PCDHA13: variants seen among roughly 807,000 people sequenced by gnomAD.
The protein encoded by PCDHA13 is protocadherin alpha-13.
PCDHA13 carries 54 observed loss-of-function variants against 64.8 expected under a neutral mutation model. The observed-to-expected ratio is 0.83, with a 90% confidence interval of 0.67 to 1.04. PCDHA13 has a LOEUF of 1.04. Ranked by LOEUF, PCDHA13 falls within the 50% of genes least tolerant of loss-of-function variation. The pLI, the probability that PCDHA13 is intolerant of heterozygous loss-of-function variation, is 0.00. For synonymous variants in PCDHA13, 587 were observed against 564.4 expected (o/e 1.04, Z -0.57); for missense variants, 1,248 against 1,254.3 (o/e 0.99, Z 0.08).
At chr5:140,982,127 C>G (rs1367393953) in intron 2 of PCDHA13, among the ~76,000 whole-genome samples, 1 of 152,244 alleles carries the variant, frequency 6.6e-6, no homozygotes, top group Non-Finnish European at 1.5e-5. Flanking sequence ...CTTTTGAGAA[C>G]AAGCCCTCCT....
chr5:140,993,850 G>A (rs1187946683), intron 3 of PCDHA13, among the ~76,000 whole-genome samples: 2 of 152,144 alleles, frequency 1.3e-5, no homozygotes, highest in African/African-American at 4.8e-5. Context: ...TATGTAGTAG[G>A]CTATGCCATC....
intron 3 of PCDHA13, among the ~76,000 whole-genome samples, chr5:140,989,362 G>A (rs1264795948): frequency 6.6e-6 from 1 of 152,176 alleles, no homozygotes; most frequent in African/African-American, 2.4e-5. Context: ...GGTCACCTGT[G>A]TGACTGAGAG....
At chr5:140,924,049 T>C (rs1554201723) in intron 1 of PCDHA13, among the ~76,000 whole-genome samples, 1 of 152,254 alleles carries the variant, frequency 6.6e-6, no homozygotes, top group East Asian at 1.9e-4. Flanking sequence ...AAAAGTTCGG[T>C]ACATCTTTAC....
At chr5:140,990,395 G>A (rs916362624) in intron 3 of PCDHA13, among the ~76,000 whole-genome samples, 1 of 152,116 alleles carries the variant, frequency 6.6e-6, no homozygotes, top group Non-Finnish European at 1.5e-5. Flanking sequence ...GTTCCAAGAA[G>A]GTTCACCAGC....
chr5:140,883,175 A>G lies in PCDHA13; in HGVS notation c.907A>G (p.Arg303Gly), dbSNP rs1554177014. ...FTINPNNGEI[R>G]TKGKLDFEEK... ...CATAAATCCGAACAATGGAGAAATTAGGACAAAAGGCAAACTAGATTTCGA... is the reference window on the plus strand; with the variant it reads ...CATAAATCCGAACAATGGAGAAATTGGGACAAAAGGCAAACTAGATTTCGA... The change falls in exon 1 of 4, where the codon AGG (arginine) becomes GGG (glycine). Residue 303 changes from arginine to glycine, a missense_variant. By Grantham distance (125) the Arg-to-Gly change is moderately radical. Coordinates refer to ENST00000289272, the MANE Select transcript of PCDHA13 (RefSeq NM_018904.3). 3 of 1,614,060 alleles carry G rather than the reference A, an allele frequency of 1.9e-6. No individual in the cohort carries two copies. Among genetic ancestry groups the G allele is most frequent in the East Asian group, 4.5e-5 (2 of 44,892 alleles).
At chr5:140,900,546 G>A (rs1430203463) in intron 1 of PCDHA13, among the ~76,000 whole-genome samples, 3 of 152,162 alleles carry the variant, frequency 2.0e-5, no homozygotes, top group East Asian at 1.9e-4. Context: ...CAAAGTGCTG[G>A]GATTACAGGC....
chr5:140,883,369 C>A lies in PCDHA13; in HGVS notation c.1101C>A (p.Ala367=), dbSNP rs781885590. ...LPIREDTQPS[A]IIALISVSDR... ...TCAGAGAAGACACTCAGCCTAGCGC[C>A]ATTATTGCCCTAATCAGTGTGTCCG... is the stretch of plus-strand genomic sequence containing the variant. Residue 367 remains alanine (A), a synonymous_variant, in exon 1 of 4, where the codon GCC becomes GCA. Transcript: ENST00000289272. 2.5e-6 allele frequency: 4 copies of A among 1,614,064 alleles called. No individual in the cohort carries two copies. The highest frequency in any genetic ancestry group is 1.7e-6 in the Non-Finnish European group (2 of 1,180,044).
At position 141,012,179 on chromosome 5, in the gene PCDHA13, T is replaced by C. The variant is rs2098423152; in HGVS notation, c.*2242T>C. ...GGGCTAATTTATTAATGATGATAAT[T>C]ATAATGTATCTGTACAGCACTTTTT... is the stretch of plus-strand genomic sequence containing the variant. On this transcript the variant is annotated 3_prime_UTR_variant, in exon 4 of 4. Coordinates refer to ENST00000289272, the MANE Select transcript of PCDHA13 (RefSeq NM_018904.3). 1 of 153,764 alleles carries C rather than the reference T, an allele frequency of 6.5e-6. No individual in the cohort carries two copies. Among genetic ancestry groups the C allele is most frequent in the South Asian group, 2.1e-4 (1 of 4,828 alleles). 9.5% of individuals were successfully genotyped at this position (153,764 alleles called of 1,614,324 possible). A position where few individuals can be genotyped will look rare whatever the true frequency, so the allele number is the denominator to read the frequency against.
chr5:140,927,068 C>T, intron 1 of PCDHA13: 1 of 1,611,218 alleles, frequency 6.2e-7, no homozygotes, highest in Non-Finnish European at 8.5e-7. Context: ...CGCTTCCTTT[C>T]CAGCCACCGC....
chr5:140,906,665 AC>A (rs558667206), intron 1 of PCDHA13, among the ~76,000 whole-genome samples: 132 of 152,200 alleles, frequency 8.7e-4, no homozygotes, highest in African/African-American at 3.2e-3. Context: ...TGGTGTAGTG[AC>A]CCAAACCTTC....
intron 1 of PCDHA13, among the ~76,000 whole-genome samples, chr5:140,888,467 A>C (rs562447782): frequency 7.2e-5 from 11 of 152,334 alleles, no homozygotes; most frequent in African/African-American, 2.6e-4. Flanking sequence ...TCAAAATGTC[A>C]GTAGTTCCAC....
chr5:140,964,909 A>G (rs1164322313), intron 1 of PCDHA13, among the ~76,000 whole-genome samples: 1 of 152,208 alleles, frequency 6.6e-6, no homozygotes, highest in African/African-American at 2.4e-5. Context: ...GCTTCTCTGG[A>G]ATAACACTGG....
At chr5:140,977,936 A>G (rs1444613652) in intron 1 of PCDHA13, among the ~76,000 whole-genome samples, 2 of 152,202 alleles carry the variant, frequency 1.3e-5, no homozygotes, top group African/African-American at 4.8e-5. Context: ...CTATACCTCA[A>G]TATTCAGTGA....
At position 140,883,732 on chromosome 5, in the gene PCDHA13, G is replaced by T. The variant is rs17844355; in HGVS notation, c.1464G>T (p.Ala488=). ...SAQDADAQEN[A]LVSYSLVERR... is the part of the protein sequence containing the mutation. The stretch of plus-strand genomic sequence containing the variant: ...AGGACGCGGACGCACAGGAGAACGC[G>T]CTGGTCTCCTACTCGCTGGTGGAGC... The change falls in exon 1 of 4, where the codon GCG becomes GCT. Residue 488 remains alanine, a synonymous_variant. Transcript: ENST00000289272. The T allele has an allele frequency of 3.9e-4, 630 of 1,613,452 alleles. 2 individuals are homozygous for T. The East Asian group carries it at 0.013, about 33-fold the overall frequency.
chr5:140,941,211 CTTCCTTTCTTT>C (rs782043135), intron 1 of PCDHA13, among the ~76,000 whole-genome samples: 8,933 of 129,680 alleles, frequency 0.069, 349 homozygotes, highest in Non-Finnish European at 0.093. Flanking sequence ...TCCTTTCTTT[CTTCCTTTCTTT>C]CTTTCTTTCT....
At chr5:140,959,999 A>G (rs564390780) in intron 1 of PCDHA13, among the ~76,000 whole-genome samples, 2 of 152,318 alleles carry the variant, frequency 1.3e-5, no homozygotes, top group African/African-American at 4.8e-5. Flanking sequence ...ATGAAATACA[A>G]ATCTATTTTG....
chr5:140,903,448 G>T (rs188990837), intron 1 of PCDHA13, among the ~76,000 whole-genome samples: 2 of 152,278 alleles, frequency 1.3e-5, no homozygotes, highest in African/African-American at 2.4e-5. Context: ...GAATTCATCT[G>T]ATCAAACTTA....
At chr5:140,929,132 T>C (rs782124526) in intron 1 of PCDHA13, 2 of 1,614,214 alleles carry the variant, frequency 1.2e-6, no homozygotes, top group East Asian at 4.5e-5. Flanking sequence ...GTCACTACAG[T>C]TGAGAGACTT....
chr5:140,934,534 GTTCTAA>G (rs1488792046), intron 1 of PCDHA13, among the ~76,000 whole-genome samples: 7 of 152,064 alleles, frequency 4.6e-5, no homozygotes, highest in Non-Finnish European at 7.4e-5. Flanking sequence ...GAGAGCTACC[GTTCTAA>G]TTCTATCATT....
Sources: gnomAD v4.1 joint callset for allele counts (sites outside exome capture counted in the v4.1 genomes callset) on GRCh38, gnomAD v4.1.1 for gene constraint, MANE v1.5 for transcripts, NCBI Gene and HGNC (gene_info 2026-07-23, HGNC 2026-07-21) for gene names.